Variants in PCDHA6 observed in about 807,000 individuals in gnomAD.
PCDHA6 encodes protocadherin alpha 6.
In PCDHA6, 55 loss-of-function variants were observed where a neutral mutation model predicts 60.3. The ratio of observed to expected loss-of-function variants is 0.91; its 90% CI spans 0.73 to 1.14. PCDHA6 has a LOEUF of 1.14. Ranked by LOEUF, PCDHA6 falls within the 50% of genes most tolerant of loss-of-function variation. The pLI, the probability that PCDHA6 is intolerant of heterozygous loss-of-function variation, is 0.00. For missense variants in PCDHA6, 1,327 were observed against 1,256.5 expected (o/e 1.06, Z -0.85); for synonymous variants, 652 against 557.9 (o/e 1.17, Z -2.38).
chr5:140,853,755 C>A, intron 1 of PCDHA6: 3 of 988,492 alleles, frequency 3.0e-6, no homozygotes, highest in Non-Finnish European at 3.7e-6. Flanking sequence ...CAAGGCTCCA[C>A]CTCAGAAATT....
At chr5:140,925,141 A>G (rs1287522151) in intron 1 of PCDHA6, among the ~76,000 whole-genome samples, 1 of 151,690 alleles carries the variant, frequency 6.6e-6, no homozygotes, top group Non-Finnish European at 1.5e-5. Context: ...TTTCAAACAT[A>G]CACAAAAGTT....
chr5:140,926,570 G>A (rs2083360845), intron 1 of PCDHA6: 1 of 267,246 alleles, frequency 3.7e-6, no homozygotes, highest in African/African-American at 2.2e-5. Flanking sequence ...TGCTACTGGA[G>A]ACAGCACCTC....
chr5:140,877,908 T>G (rs1554170220), intron 1 of PCDHA6: 2 of 1,433,428 alleles, frequency 1.4e-6, no homozygotes, highest in East Asian at 2.5e-5. Context: ...ATAACTACAT[T>G]CTCTCATTTT....
chr5:140,894,603 C>G (rs782068626), intron 1 of PCDHA6, among the ~76,000 whole-genome samples: 1 of 151,756 alleles, frequency 6.6e-6, no homozygotes, highest in African/African-American at 2.4e-5. Context: ...TTTCTCATCT[C>G]TCTTTTCAAA....
At chr5:140,855,899 C>A in intron 1 of PCDHA6, 1 of 1,074,020 alleles carries the variant, frequency 9.3e-7, no homozygotes, top group Non-Finnish European at 1.3e-6. Flanking sequence ...AAGGCATCAG[C>A]CAGTTTCTCA....
intron 1 of PCDHA6, among the ~76,000 whole-genome samples, chr5:140,845,543 T>C (rs1416946225): frequency 6.7e-6 from 1 of 149,544 alleles, no homozygotes; most frequent in Non-Finnish European, 1.5e-5. Flanking sequence ...ATTCTAATTA[T>C]GGTGATGCTT....
At chr5:140,854,340 A>G in intron 1 of PCDHA6, 1 of 189,954 alleles carries the variant, frequency 5.3e-6, no homozygotes, top group Non-Finnish European at 9.6e-6. Context: ...TTTACGCTCC[A>G]GATAGCTAAA....
At chr5:140,967,844 G>A in intron 1 of PCDHA6, 1 of 1,614,178 alleles carries the variant, frequency 6.2e-7, no homozygotes, top group Non-Finnish European at 8.5e-7. Flanking sequence ...GGACGTGAAT[G>A]ACAATGCCCC....
At chr5:140,877,943 T>C in intron 1 of PCDHA6, 1 of 1,363,226 alleles carries the variant, frequency 7.3e-7, no homozygotes, top group Non-Finnish European at 9.6e-7. Context: ...TCCTTTAAAC[T>C]ATCGAATGTC....
chr5:140,977,325 G>A (rs1277032974), intron 1 of PCDHA6, among the ~76,000 whole-genome samples: 1 of 152,210 alleles, frequency 6.6e-6, no homozygotes, highest in African/African-American at 2.4e-5. Context: ...TCCTGATGGC[G>A]AGGGGAGAGA....
intron 1 of PCDHA6, among the ~76,000 whole-genome samples, chr5:140,975,016 G>C (rs782435284): frequency 6.6e-6 from 1 of 152,128 alleles, no homozygotes; most frequent in Non-Finnish European, 1.5e-5. Context: ...AACACAGCTG[G>C]GCTGTGTTGT....
intron 1 of PCDHA6, chr5:140,969,237 C>T (rs1278018540): frequency 6.2e-7 from 1 of 1,614,156 alleles, no homozygotes; most frequent in African/African-American, 1.3e-5. Flanking sequence ...GGAGCCCAAG[C>T]AGCAGTGACT....
intron 3 of PCDHA6, among the ~76,000 whole-genome samples, chr5:140,993,009 G>C (rs1228975075): frequency 3.9e-5 from 6 of 152,172 alleles, no homozygotes; most frequent in Non-Finnish European, 8.8e-5. Flanking sequence ...CCTCCCCAGA[G>C]TCCAGCATCC....
At chr5:140,977,094 T>C (rs1291290436) in intron 1 of PCDHA6, among the ~76,000 whole-genome samples, 1 of 152,206 alleles carries the variant, frequency 6.6e-6, no homozygotes, top group Non-Finnish European at 1.5e-5. Context: ...AATGTGTCAT[T>C]GGGGAAGTGA....
chr5:140,882,335 GCCTGGGAGACGGGTAGTGGCCAGCT>G (rs1554173599), intron 1 of PCDHA6: 11 of 1,614,078 alleles, frequency 6.8e-6, no homozygotes, highest in Non-Finnish European at 9.3e-6. Flanking sequence ...GATCCTCGCA[GCCTGGGAGACGGGTAGTGGCCAGCT>G]CCACTACTCC....
intron 1 of PCDHA6, chr5:140,841,826 A>T: frequency 6.2e-7 from 1 of 1,613,900 alleles, no homozygotes; most frequent in Non-Finnish European, 8.5e-7. Flanking sequence ...CTCCGTGTTA[A>T]CCTACAGGCT....
Position 140,882,245 on chromosome 5 carries a change from G to C in PCDHA6, c.2394+51760G>C, listed in dbSNP as rs376978051. Reference sequence around the variant, plus strand: ...TAAGGCGTTGTATATATTGCAGATAGCTCTGAGGTTTTTGGAGTGTACCAT... The same window carrying C: ...TAAGGCGTTGTATATATTGCAGATACCTCTGAGGTTTTTGGAGTGTACCAT... On this transcript the variant is annotated intron_variant, in intron 1 of 3. Coordinates refer to ENST00000529310, the MANE Select transcript of PCDHA6 (RefSeq NM_018909.4). 82 of 1,592,614 alleles carry C rather than the reference G, an allele frequency of 5.1e-5. No homozygotes were observed. In the African/African-American group the frequency reaches 9.3e-4, roughly 18 times the overall value.
intron 1 of PCDHA6, chr5:140,881,341 G>C (rs1422783424): frequency 1.5e-5 from 15 of 984,968 alleles, no homozygotes; most frequent in Non-Finnish European, 1.7e-5. Flanking sequence ...ACGCCGATTC[G>C]GGCTACAATG....
intron 1 of PCDHA6, among the ~76,000 whole-genome samples, chr5:140,921,583 TA>T (rs2080282425): frequency 6.6e-6 from 1 of 152,200 alleles, no homozygotes; most frequent in South Asian, 2.1e-4. Flanking sequence ...GCTCATACTA[TA>T]TTATGGTTTC....
Sources: allele counts gnomAD v4.1 joint callset (sites outside exome capture counted in the v4.1 genomes callset), GRCh38; gene constraint gnomAD v4.1.1; transcripts MANE v1.5; gene names NCBI Gene and HGNC (gene_info 2026-07-23, HGNC 2026-07-21).